Variants in CD200R1 observed in about 807,000 individuals in gnomAD.
The protein encoded by CD200R1 is cell surface glycoprotein CD200 receptor 1.
Under a neutral mutation model 38.1 loss-of-function variants are expected in CD200R1, and 30 were observed. The observed-to-expected ratio is 0.79, with a 90% CI of 0.59 to 1.07. The LOEUF (loss-of-function observed/expected upper bound fraction) is 1.07, where lower values mean the gene tolerates loss of function less well. CD200R1 is among the 50% of genes least tolerant of loss of function. The pLI is 0.00. For synonymous variants in CD200R1, 128 were observed against 152.1 expected (o/e 0.84, Z 1.16); for missense variants, 372 against 415.4 (o/e 0.90, Z 0.91).
chr3:112,923,804 G>C lies in CD200R1; in HGVS notation c.925-5C>G. 6.5e-7 allele frequency: 1 copy of C among 1,540,352 alleles called. No individual in the cohort carries two copies. Among genetic ancestry groups the C allele is most frequent in the East Asian group, 2.3e-5 (1 of 43,246 alleles). ...GGCATAGGGCTGCATTTCATCCTAA[G>C]AAAGAACTCAAAGTTAAAATCAATT... is the stretch of plus-strand genomic sequence containing the variant. On this transcript the variant is annotated splice_polypyrimidine_tract_variant and splice_region_variant and intron_variant, in intron 7 of 7. Transcript: ENST00000308611.
intron 1 of CD200R1, among the ~76,000 whole-genome samples, chr3:112,964,221 A>C (rs937723030): frequency 2.6e-5 from 4 of 152,216 alleles, no homozygotes; most frequent in African/African-American, 9.6e-5. Context: ...TGGAGCCCCC[A>C]CACAGAGTCC....
At chr3:112,971,307 G>A (rs1283915376) in intron 1 of CD200R1, among the ~76,000 whole-genome samples, 1 of 152,154 alleles carries the variant, frequency 6.6e-6, no homozygotes, top group Non-Finnish European at 1.5e-5. Flanking sequence ...ATCTGTACAT[G>A]TTCAGTACTA....
Position 112,929,204 on chromosome 3 carries a change from T to C in CD200R1, c.506A>G (p.His169Arg). ...TPDGNFHRGY[H>R]LQVLVTPEVT... ...ATGCTCCTTACCTAACACTTGGAGG[T>C]GATATCCACGATGGAAATTCCCATC... Residue 169 changes from histidine to arginine, a missense_variant, in exon 4 of 8, where the codon CAC becomes CGC. Coordinates refer to ENST00000308611, the MANE Select transcript of CD200R1 (RefSeq NM_138806.4). 1 of 1,614,106 alleles carries C rather than the reference T, an allele frequency of 6.2e-7. No individual in the cohort carries two copies. Among genetic ancestry groups the C allele is most frequent in the South Asian group, 1.1e-5 (1 of 91,076 alleles).
chr3:112,964,780 GA>G (rs1933115400), intron 1 of CD200R1, among the ~76,000 whole-genome samples: 1 of 152,188 alleles, frequency 6.6e-6, no homozygotes, highest in Non-Finnish European at 1.5e-5. Flanking sequence ...GAGGACATGA[GA>G]TTTGGGAGGG....
chr3:112,944,104 G>A (rs917440858), intron 2 of CD200R1, among the ~76,000 whole-genome samples: 5 of 151,936 alleles, frequency 3.3e-5, no homozygotes, highest in Non-Finnish European at 7.4e-5. Context: ...ATCTCTTTCA[G>A]AAACAGAAGC....
intron 1 of CD200R1, among the ~76,000 whole-genome samples, chr3:112,954,772 C>A (rs1308810913): frequency 1.3e-5 from 2 of 152,178 alleles, no homozygotes; most frequent in African/African-American, 4.8e-5. Context: ...TGCACTTTTT[C>A]ATCTGTATCC....
In CD200R1 at chr3:112,928,111, A is replaced by G. The variant is rs536413130; in HGVS notation, c.769+705T>C. 4.2e-4 allele frequency among the ~76,000 whole-genome samples: 64 copies of G among 152,346 alleles called. 1 individual carries two copies. Among genetic ancestry groups the G allele is most frequent in the African/African-American group, 1.4e-3 (60 of 41,590 alleles). ...ATGTCTAAATTTGATACAGTAAGAA[A>G]TAGCAGTATGAGCATGTTGTATAAA... is the stretch of plus-strand genomic sequence containing the variant. On this transcript the variant is annotated intron_variant, in intron 5 of 7. Transcript: ENST00000308611.
At chr3:112,950,456 T>G (rs1940951937) in intron 1 of CD200R1, among the ~76,000 whole-genome samples, 1 of 151,548 alleles carries the variant, frequency 6.6e-6, no homozygotes, top group Non-Finnish European at 1.5e-5. Context: ...ATGAAAAGTA[T>G]CAATATCAAC....
chr3:112,928,787 T>C, intron 5 of CD200R1, 29 bp downstream of exon 5: 1 of 1,521,948 alleles, frequency 6.6e-7, no homozygotes, highest in South Asian at 1.2e-5. Context: ...TGGAAAAAAA[T>C]AAAAAATAAA....
chr3:112,958,714 T>C (rs1037736133), intron 1 of CD200R1, among the ~76,000 whole-genome samples: 2 of 152,106 alleles, frequency 1.3e-5, no homozygotes, highest in Admixed American at 6.6e-5. Context: ...AGAATATGCA[T>C]CCACACAAAT....
At chr3:112,969,462 A>G (rs1436006653) in intron 1 of CD200R1, among the ~76,000 whole-genome samples, 2 of 152,238 alleles carry the variant, frequency 1.3e-5, no homozygotes, top group African/African-American at 4.8e-5. Context: ...AATGACAACT[A>G]GAGTGGACAT....
chr3:112,939,869 C>CAAAA (rs199986714), intron 2 of CD200R1, among the ~76,000 whole-genome samples: 4 of 120,348 alleles, frequency 3.3e-5, no homozygotes, highest in Admixed American at 8.5e-5. Flanking sequence ...ACAAACAAAC[C>CAAAA]AAAAAAAAAA....
intron 2 of CD200R1, among the ~76,000 whole-genome samples, chr3:112,936,004 T>C (rs984206975): frequency 1.3e-5 from 2 of 152,130 alleles, no homozygotes. Flanking sequence ...CATATGTCCA[T>C]GTGTTCTTAT....
intron 1 of CD200R1, among the ~76,000 whole-genome samples, chr3:112,961,873 G>A (rs976265554): frequency 6.6e-6 from 1 of 152,208 alleles, no homozygotes; most frequent in Non-Finnish European, 1.5e-5. Flanking sequence ...GCTGACAAAA[G>A]ATTAAATATG....
At chr3:112,924,106 A>T (rs1940230150) in intron 7 of CD200R1, among the ~76,000 whole-genome samples, 1 of 151,966 alleles carries the variant, frequency 6.6e-6, no homozygotes, top group Non-Finnish European at 1.5e-5. Flanking sequence ...TTATAATAAG[A>T]GATGAAGGAG....
intron 1 of CD200R1, among the ~76,000 whole-genome samples, chr3:112,962,562 A>C (rs1933048993): frequency 6.6e-6 from 1 of 152,244 alleles, no homozygotes; most frequent in Non-Finnish European, 1.5e-5. Context: ...TTATAAATGA[A>C]GATGCAGCAC....
chr3:112,930,116 T>TA (rs35297201), intron 3 of CD200R1, among the ~76,000 whole-genome samples: 92 of 147,914 alleles, frequency 6.2e-4, no homozygotes, highest in Non-Finnish European at 7.2e-4. Context: ...CACAGATCTT[T>TA]AAAAAAAAAA....
In CD200R1 at chr3:112,959,284, T is replaced by C. The variant is rs374761155; in HGVS notation, c.68-11360A>G. On this transcript the variant is annotated intron_variant, in intron 1 of 7. Transcript: ENST00000308611. ...AAGAAGTTCTGCCCTTTCCTTCAGTTGCAGGTCTTCCGGAGGAATACAAAC... is the reference window on the plus strand; with the variant it reads ...AAGAAGTTCTGCCCTTTCCTTCAGTCGCAGGTCTTCCGGAGGAATACAAAC... Among the ~76,000 whole-genome samples the C allele has an allele frequency of 1.1e-3, 174 of 152,298 alleles. 4 individuals are homozygous for C. The South Asian group carries it at 0.033, about 29-fold the overall frequency.
In CD200R1 at chr3:112,922,417, T is replaced by C. The variant is rs1332316803; in HGVS notation, c.*1260A>G. 1.3e-5 allele frequency: 2 copies of C among 152,020 alleles called. No homozygotes were observed. The highest frequency in any genetic ancestry group is 2.4e-5 in the African/African-American group (1 of 41,432). The allele number at this position is 152,020 out of a possible 1,614,324, so 9.4% of individuals were successfully genotyped here. On this transcript the variant is annotated 3_prime_UTR_variant, in exon 8 of 8. Coordinates refer to ENST00000308611, the MANE Select transcript of CD200R1 (RefSeq NM_138806.4). ...TGGAGGGGAGGGTCATGCCATCCCATGGCCACTTGCTTATTATGTAGCTCA... is the reference window on the plus strand; with the variant it reads ...TGGAGGGGAGGGTCATGCCATCCCACGGCCACTTGCTTATTATGTAGCTCA...
Sources: allele counts gnomAD v4.1 joint callset (sites outside exome capture counted in the v4.1 genomes callset), GRCh38; gene constraint gnomAD v4.1.1; transcripts MANE v1.5; gene names NCBI Gene and HGNC (gene_info 2026-07-23, HGNC 2026-07-21).